Variants in ERBB2 observed in about 807,000 individuals in gnomAD.
ERBB2 encodes erb-b2 receptor tyrosine kinase 2.
ERBB2 carries 61 observed loss-of-function variants against 149.0 expected under a neutral mutation model. The observed-to-expected ratio is 0.41, with a 90% CI of 0.33 to 0.51. The LOEUF (loss-of-function observed/expected upper bound fraction) is 0.51. Ranked by LOEUF, ERBB2 falls within the 20% of genes least tolerant of loss-of-function variation. The pLI is 0.25. For missense variants in ERBB2, 1,205 were observed against 1,655.1 expected, an observed-to-expected ratio of 0.73 and a Z score of 4.72; for synonymous variants, 633 against 678.8, an observed-to-expected ratio of 0.93 and a Z score of 1.05.
chr17:39,691,556 A>AAAAAAAAAAAAATATAT (rs573116217), upstream of ERBB2, among the ~76,000 whole-genome samples: 1 of 84,202 alleles, frequency 1.2e-5, no homozygotes, highest in African/African-American at 5.0e-5. Flanking sequence ...TAAAAAAAAA[A>AAAAAAAAAAAAATATAT]ATATATATAT....
intron 15 of ERBB2, 120 bp from the exon 16 acceptor site, chr17:39,719,667 G>A (rs1597879330): frequency 8.2e-6 from 8 of 980,956 alleles, no homozygotes; most frequent in Non-Finnish European, 1.3e-5. Flanking sequence ...CCCAGTTTCT[G>A]CCTTTGTCAA....
At chr17:39,697,354 G>GTTTTTTTTTTTTTTT (rs60262818), upstream of ERBB2, among the ~76,000 whole-genome samples, 2 of 122,138 alleles carry the variant, frequency 1.6e-5, no homozygotes, top group African/African-American at 6.1e-5. Flanking sequence ...TTTTTGTTTT[G>GTTTTTTTTTTTTTTT]TTTTTTTTTT....
intron 19 of ERBB2, 111 bp downstream of exon 19, chr17:39,724,121 C>G: frequency 1.4e-6 from 1 of 723,226 alleles, no homozygotes; most frequent in Non-Finnish European, 2.2e-6. Context: ...TCCCGCAAAC[C>G]TAGACTATTT....
At position 39,708,300 on chromosome 17, in the gene ERBB2, C is replaced by T. The variant is rs368111130; in HGVS notation, c.226-21C>T. 7 of 1,603,508 alleles carry T rather than the reference C, an allele frequency of 4.4e-6. No individual in the cohort carries two copies. The African/African-American group carries it at 8.0e-5, about 18-fold the overall frequency. ...GGTGGCAGTGTTCCTATTTCAGCCCCACTCTGCTTCCCCCTCCCAGGATAT... is the reference window on the plus strand; with the variant it reads ...GGTGGCAGTGTTCCTATTTCAGCCCTACTCTGCTTCCCCCTCCCAGGATAT... On this transcript the variant is annotated intron_variant, in intron 2 of 26. Transcript: ENST00000269571.
rs746301859 is a variant in ERBB2, at chr17:39,723,943, A to C, written c.2240A>C (p.Lys747Thr). 3.7e-6 allele frequency: 6 copies of C among 1,613,966 alleles called. No homozygotes were observed. In the South Asian group the frequency reaches 6.6e-5, roughly 18 times the overall value. ...TGGATCCCTGATGGGGAGAATGTGA[A>C]AATTCCAGTGGCCATCAAAGTGTTG... ...GIWIPDGENV[K>T]IPVAIKVLRE... is the part of the protein sequence containing the mutation. Residue 747 changes from lysine to threonine, a missense_variant, in exon 19 of 27, where the codon AAA becomes ACA. By Grantham distance (78) the Lys-to-Thr change is moderately conservative. Around this residue, in one of 6 missense-constraint regions of ERBB2, gnomAD observed 152 missense variants for 318.1 expected, o/e 0.48. Coordinates refer to ENST00000269571, the MANE Select transcript of ERBB2 (RefSeq NM_004448.4). The surrounding 1 kb of genome is among the most constrained non-coding windows in gnomAD (Gnocchi z 6.2).
At position 39,710,067 on chromosome 17, in the gene ERBB2, C is replaced by T. The variant is rs757087041; in HGVS notation, c.644-19C>T. The T allele has an allele frequency of 6.3e-7, 1 of 1,597,432 alleles. No individual in the cohort carries two copies. Among genetic ancestry groups the T allele is most frequent in the Non-Finnish European group, 8.5e-7 (1 of 1,171,630 alleles). On this transcript the variant is annotated intron_variant, in intron 5 of 26. Transcript: ENST00000269571. Reference sequence around the variant, plus strand: ...GCCCAGGGCGCCACTCAGCCCTCATCCTGCCCTTTGCCCAACAGTGACGCG... The same window carrying T: ...GCCCAGGGCGCCACTCAGCCCTCATTCTGCCCTTTGCCCAACAGTGACGCG...
chr17:39,688,827 C>CT (rs755449052), intron 2 of ERBB2: 2 of 152,366 alleles, frequency 1.3e-5, no homozygotes, highest in Non-Finnish European at 2.9e-5. Flanking sequence ...TTTGTTTGTT[C>CT]TTCTGTTTAA....
chr17:39,710,043 C>T (rs2145498500), intron 5 of ERBB2, 43 bp from the exon 6 acceptor site: 1 of 1,549,080 alleles, frequency 6.5e-7, no homozygotes, highest in Non-Finnish European at 8.8e-7. Flanking sequence ...GGGTCTGGTG[C>T]CCAGGGCGCC....
In ERBB2 at chr17:39,726,922, C is replaced by T. The variant is rs4252655; in HGVS notation, c.3078C>T (p.Pro1026=). The T allele has an allele frequency of 1.1e-3, 1,728 of 1,613,806 alleles. 18 individuals carry two copies. In the African/African-American group the frequency reaches 0.021, roughly 20 times the overall value. ...TGGATGCTGAGGAGTATCTGGTACC[C>T]CAGCAGGGCTTCTTCTGTCCAGACC... ...DLVDAEEYLV[P]QQGFFCPDPA... Residue 1026 remains proline (P), a synonymous_variant, in exon 25 of 27, where the codon CCC becomes CCT. Coordinates refer to ENST00000269571, the MANE Select transcript of ERBB2 (RefSeq NM_004448.4). The surrounding 1 kb of genome is among the most constrained non-coding windows in gnomAD (Gnocchi z 5.1).
At position 39,715,733 on chromosome 17, in the gene ERBB2, C is replaced by G. The variant is rs1417472845; in HGVS notation, c.1314-7C>G. ...TCCGTGGTAAGGTGCCCACCTTTCT[C>G]CCATAGTGGCGCCTACTCGCTGACC... On this transcript the variant is annotated splice_polypyrimidine_tract_variant and splice_region_variant and intron_variant, in intron 11 of 26. Coordinates refer to ENST00000269571, the MANE Select transcript of ERBB2 (RefSeq NM_004448.4). The G allele has an allele frequency of 1.6e-5, 25 of 1,605,570 alleles. No individual in the cohort carries two copies. The highest frequency in any genetic ancestry group is 2.0e-5 in the Non-Finnish European group (24 of 1,179,950).
Position 39,726,454 on chromosome 17 carries a change from G to A in ERBB2, c.2873-108G>A, listed in dbSNP as rs1239042611. The A allele has an allele frequency of 1.2e-6, 1 of 860,248 alleles. No homozygotes were observed. The highest frequency in any genetic ancestry group is 1.4e-5 in the South Asian group (1 of 70,248). 53.3% of individuals were successfully genotyped at this position (860,248 alleles called of 1,614,324 possible). On this transcript the variant is annotated intron_variant, in intron 23 of 26. Transcript: ENST00000269571. The surrounding 1 kb of genome is among the most constrained non-coding windows in gnomAD (Gnocchi z 5.1). Reference sequence around the variant, plus strand: ...TACTTCTCTACCACCTGAGGGCTTTGGGCTGTCCCTTGGGACTGTCTAGAC... The same window carrying A: ...TACTTCTCTACCACCTGAGGGCTTTAGGCTGTCCCTTGGGACTGTCTAGAC...
rs575250472 is a variant in ERBB2, at chr17:39,706,961, C to T, written c.74-29C>T. On this transcript the variant is annotated intron_variant, in intron 1 of 26. Coordinates refer to ENST00000269571, the MANE Select transcript of ERBB2 (RefSeq NM_004448.4). ...GTCTGAGAAGGTCCCCCGCCAGTGTCCTCTGACCCATCTGCTCTCTCCTGC... is the reference window on the plus strand; with the variant it reads ...GTCTGAGAAGGTCCCCCGCCAGTGTTCTCTGACCCATCTGCTCTCTCCTGC... 9 of 1,533,906 alleles carry T rather than the reference C, an allele frequency of 5.9e-6. No homozygotes were observed. The Admixed American group carries it at 1.2e-4, about 20-fold the overall frequency.
intron 16 of ERBB2, among the ~76,000 whole-genome samples, chr17:39,722,194 C>G (rs1439915454): frequency 6.6e-6 from 1 of 152,070 alleles, no homozygotes; most frequent in African/African-American, 2.4e-5. Flanking sequence ...ATGCCCAGCC[C>G]TACTTTCAGT....
rs2059893511 is a variant in ERBB2 at position 39,728,400 on chromosome 17, G to A, written c.*356G>A. ...TGAGAGGGGAAGCGGCCCTAAGGGA[G>A]TGTCTAAGAACAAAAGCGACCCATT... On this transcript the variant is annotated 3_prime_UTR_variant, in exon 27 of 27. Transcript: ENST00000269571. 3.5e-6 allele frequency: 1 copy of A among 283,572 alleles called. No homozygotes were observed. The highest frequency in any genetic ancestry group is 2.1e-5 in the African/African-American group (1 of 47,252). 17.6% of individuals were successfully genotyped at this position (283,572 alleles called of 1,614,324 possible).
chr17:39,708,275 G>A (rs2145434093), intron 2 of ERBB2, 46 bp from the exon 3 acceptor site: 3 of 1,521,356 alleles, frequency 2.0e-6, no homozygotes, highest in East Asian at 4.5e-5. Context: ...GGCCCTGGGG[G>A]GTGGCAGTGT....
chr17:39,724,194 C>T (rs945996814), intron 19 of ERBB2, among the ~76,000 whole-genome samples, 184 bp downstream of exon 19: 1 of 151,366 alleles, frequency 6.6e-6, no homozygotes, highest in Admixed American at 6.6e-5. Flanking sequence ...TCTCGGCTCA[C>T]TGCAACCTCC....
intron 15 of ERBB2, among the ~76,000 whole-genome samples, chr17:39,718,907 A>G (rs2059298187): frequency 6.6e-6 from 1 of 152,214 alleles, no homozygotes; most frequent in Admixed American, 6.5e-5. Context: ...GGCAATGTTT[A>G]TCACAAGGAT....
At chr17:39,709,602 G>A (rs1207976905) in intron 4 of ERBB2, 150 bp downstream of exon 4, 7 of 1,001,808 alleles carry the variant, frequency 7.0e-6, no homozygotes, top group South Asian at 1.5e-5. Flanking sequence ...CCATCTCCCT[G>A]TGCCTCTTCA....
At chr17:39,719,746 G>A (rs2145746034) in intron 15 of ERBB2, 41 bp from the exon 16 acceptor site, 2 of 1,606,614 alleles carry the variant, frequency 1.2e-6, no homozygotes, top group South Asian at 2.2e-5. Context: ...TTCCCAAGAG[G>A]GTGGTTCCCA....
Sources: allele counts gnomAD v4.1 joint callset (sites outside exome capture counted in the v4.1 genomes callset), GRCh38; gene constraint gnomAD v4.1.1; regional missense constraint gnomAD v4.1.1; non-coding constraint Gnocchi (gnomAD v3.1); transcripts MANE v1.5; gene names NCBI Gene and HGNC (gene_info 2026-07-23, HGNC 2026-07-21).